The following ABCB11 variants were observed in gnomAD, a reference collection of about 807,000 sequenced individuals.
ABCB11 encodes bile salt export pump.
Under a neutral mutation model 148.0 loss-of-function variants are expected in ABCB11, and 95 were observed. The observed-to-expected ratio is 0.64, with a 90% CI of 0.54 to 0.76. The LOEUF (loss-of-function observed/expected upper bound fraction) is 0.76, where lower values mean the gene tolerates loss of function less well. Ranked by LOEUF, ABCB11 falls within the 30% of genes least tolerant of loss-of-function variation. The pLI, the probability that ABCB11 is intolerant of heterozygous loss-of-function variation, is 0.00. For missense variants in ABCB11, 1,523 were observed against 1,617.8 expected (o/e 0.94, Z 1.01); for synonymous variants, 591 against 555.4 (o/e 1.06, Z -0.90).
intron 8 of ABCB11, among the ~76,000 whole-genome samples, chr2:168,992,013 A>T (rs891354281): frequency 2.0e-5 from 3 of 150,804 alleles, no homozygotes; most frequent in Non-Finnish European, 2.9e-5. Context: ...ATTTAAAAAA[A>T]ATTTTTTTTT....
chr2:169,021,856 C>A (rs1421762603), intron 1 of ABCB11, among the ~76,000 whole-genome samples: 1 of 151,798 alleles, frequency 6.6e-6, no homozygotes, highest in African/African-American at 2.4e-5. Context: ...TAAAACTTAC[C>A]CATTAATAAG....
intron 23 of ABCB11, among the ~76,000 whole-genome samples, chr2:168,934,218 G>C (rs1239188883): frequency 6.6e-6 from 1 of 152,126 alleles, no homozygotes; most frequent in Non-Finnish European, 1.5e-5. Context: ...CAAAGATTTA[G>C]AAAAGAGACA....
chr2:168,937,683 G>GATTAATTGCTCTAT (rs1691890728), intron 21 of ABCB11, among the ~76,000 whole-genome samples: 4 of 152,140 alleles, frequency 2.6e-5, no homozygotes, highest in Admixed American at 1.3e-4. Context: ...ATTCAATGAA[G>GATTAATTGCTCTAT]ATTAATGCTT....
chr2:169,013,520 C>A lies in ABCB11; in HGVS notation c.151-10G>T, dbSNP rs751069540. 1 of 1,608,606 alleles carries A rather than the reference C, an allele frequency of 6.2e-7. No individual in the cohort carries two copies. The stretch of plus-strand genomic sequence containing the variant: ...ATGAAGAAAACCGAAACTTGAAAAA[C>A]AAAGGGTTCAGAGATCATCTATGGG... On this transcript the variant is annotated splice_polypyrimidine_tract_variant and intron_variant, in intron 4 of 27. Transcript: ENST00000650372.
At chr2:168,947,494 C>T (rs1368410546) in intron 19 of ABCB11, among the ~76,000 whole-genome samples, 2 of 151,640 alleles carry the variant, frequency 1.3e-5, no homozygotes, top group Admixed American at 6.6e-5. Flanking sequence ...GGCAACTGGG[C>T]TCCTAATAAG....
intron 17 of ABCB11, among the ~76,000 whole-genome samples, chr2:168,966,023 AC>A (rs1693301580): frequency 6.6e-6 from 1 of 151,078 alleles, no homozygotes; most frequent in Admixed American, 6.6e-5. Flanking sequence ...GCATTAAACC[AC>A]TCCTCAACGC....
chr2:168,916,642 C>T (rs1690946457), downstream of ABCB11, among the ~76,000 whole-genome samples: 1 of 152,200 alleles, frequency 6.6e-6, no homozygotes, highest in African/African-American at 2.4e-5. Context: ...TTTAGAGGTT[C>T]ACTGAGTTAC....
At chr2:168,988,579 G>C (rs561818260) in intron 9 of ABCB11, among the ~76,000 whole-genome samples, 14 of 152,194 alleles carry the variant, frequency 9.2e-5, no homozygotes, top group African/African-American at 2.9e-4. Flanking sequence ...GTGAATGTAA[G>C]AGTACAGTTT....
chr2:168,972,103 A>G (rs1693609108), intron 13 of ABCB11, 53 bp from the exon 14 acceptor site: 1 of 1,528,104 alleles, frequency 6.5e-7, no homozygotes. Context: ...AGGGTTCTGA[A>G]TCATAATATT....
At chr2:169,014,236 C>CCG in intron 4 of ABCB11, 67 bp downstream of exon 4, 6 of 1,087,910 alleles carry the variant, frequency 5.5e-6, no homozygotes, top group Non-Finnish European at 8.5e-6. Context: ...AGATTTAACA[C>CCG]TCCCCTCATG....
At position 168,923,735 on chromosome 2, in the gene ABCB11, T is replaced by G; in HGVS notation, c.3853A>C (p.Ile1285Leu). ...ACCCCCTGTGCCATGACAGCAATGA[T>G]ATCCGCGTTCTGGATGGTGGACAAG... is the stretch of plus-strand genomic sequence containing the variant. ...HRLSTIQNAD[I>L]IAVMAQGVVI... Residue 1285 changes from isoleucine (I) to leucine (L), a missense_variant, in exon 28 of 28, where the codon ATC (isoleucine) becomes CTC (leucine). Ile to Leu is a conservative substitution (Grantham distance 5). Transcript: ENST00000650372. The G allele has an allele frequency of 6.2e-7, 1 of 1,613,864 alleles. No individual in the cohort carries two copies. Among genetic ancestry groups the G allele is most frequent in the Non-Finnish European group, 8.5e-7 (1 of 1,179,878 alleles).
chr2:168,982,991 T>C (rs1020732708), intron 10 of ABCB11, among the ~76,000 whole-genome samples: 4 of 152,126 alleles, frequency 2.6e-5, no homozygotes, highest in Admixed American at 2.6e-4. Context: ...GAAATATTGG[T>C]TGAAAGAATA....
chr2:169,023,780 C>T (rs985009216), intron 1 of ABCB11, among the ~76,000 whole-genome samples: 8 of 152,096 alleles, frequency 5.3e-5, no homozygotes, highest in East Asian at 3.8e-4. Flanking sequence ...ACTGAATTAA[C>T]GATAGTGGTT....
At chr2:168,964,489 T>A (rs1365734329) in intron 17 of ABCB11, among the ~76,000 whole-genome samples, 181 bp from the exon 18 acceptor site, 1 of 151,698 alleles carries the variant, frequency 6.6e-6, no homozygotes, top group Non-Finnish European at 1.5e-5. Flanking sequence ...GCAGAGCTAA[T>A]CAGGTTGATT....
intron 5 of ABCB11, among the ~76,000 whole-genome samples, chr2:169,003,201 T>C (rs1480608150): frequency 6.6e-6 from 1 of 151,990 alleles, no homozygotes; most frequent in African/African-American, 2.4e-5. Flanking sequence ...AGTGAGAACA[T>C]ACACCGTTTA....
intron 1 of ABCB11, among the ~76,000 whole-genome samples, chr2:169,025,028 T>C (rs1258033179): frequency 1.3e-5 from 2 of 151,666 alleles, no homozygotes; most frequent in African/African-American, 4.8e-5. Flanking sequence ...AATTTTTTTT[T>C]CAAAAAAACA....
intron 9 of ABCB11, among the ~76,000 whole-genome samples, chr2:168,987,196 G>A (rs1694355827): frequency 6.6e-6 from 1 of 152,102 alleles, no homozygotes; most frequent in Non-Finnish European, 1.5e-5. Flanking sequence ...GGATTTGGTA[G>A]CAACTGAGAA....
Position 168,953,974 on chromosome 2 carries a change from C to T in ABCB11, c.2343+3990G>A, listed in dbSNP as rs185684765. ...ACCTTACATATGTTGATTGATGTCT[C>T]GTGTCTCCCTAAAATGTATACAACC... On this transcript the variant is annotated intron_variant, in intron 19 of 27. Coordinates refer to ENST00000650372, the MANE Select transcript of ABCB11 (RefSeq NM_003742.4). Among the ~76,000 whole-genome samples the T allele has an allele frequency of 2.5e-3, 381 of 151,768 alleles. 3 individuals are homozygous for T. The highest frequency in any genetic ancestry group is 7.8e-3 in the African/African-American group (325 of 41,478).
rs2105995252 is a variant in ABCB11, at chr2:168,985,718, C to T, written c.1083+392G>A. Among the ~76,000 whole-genome samples, 2 of 152,160 alleles carry T rather than the reference C, an allele frequency of 1.3e-5. 1 individual carries two copies. Among genetic ancestry groups the T allele is most frequent in the East Asian group, 3.9e-4 (2 of 5,164 alleles). On this transcript the variant is annotated intron_variant, in intron 10 of 27. Coordinates refer to ENST00000650372, the MANE Select transcript of ABCB11 (RefSeq NM_003742.4). Reference sequence around the variant, plus strand: ...TGGAAAACCAAATATTGCATGTTCTCACTCATAAGTGGGAGCTAAGCTATG... The same window carrying T: ...TGGAAAACCAAATATTGCATGTTCTTACTCATAAGTGGGAGCTAAGCTATG...
Sources: allele counts gnomAD v4.1 joint callset (sites outside exome capture counted in the v4.1 genomes callset), GRCh38; gene constraint gnomAD v4.1.1; transcripts MANE v1.5; gene names NCBI Gene and HGNC (gene_info 2026-07-23, HGNC 2026-07-21).